The following TCF12 variants were observed in gnomAD, a reference collection of about 807,000 sequenced individuals.
The protein encoded by TCF12 is DNA-binding protein HTF4.
Under a neutral mutation model 86.0 loss-of-function variants are expected in TCF12, and 45 were observed. That is an observed-to-expected ratio of 0.52 (90% CI 0.41 to 0.67). The LOEUF (loss-of-function observed/expected upper bound fraction) is 0.67. Ranked by LOEUF, TCF12 falls within the 30% of genes least tolerant of loss-of-function variation. TCF12 has a pLI of 0.00. For synonymous variants in TCF12, 330 were observed against 299.6 expected, an observed-to-expected ratio of 1.10 and a Z score of -1.05; for missense variants, 881 against 859.9, an observed-to-expected ratio of 1.02 and a Z score of -0.31.
chr15:57,105,631 C>G (rs113217641), intron 5 of TCF12, among the ~76,000 whole-genome samples: 1 of 151,758 alleles, frequency 6.6e-6, no homozygotes, highest in Non-Finnish European at 1.5e-5. Flanking sequence ...AGGCTGGCCT[C>G]GAACTCCTGA....
intron 3 of TCF12, among the ~76,000 whole-genome samples, chr15:57,061,379 G>C (rs2068446752): frequency 6.6e-6 from 1 of 152,076 alleles, no homozygotes; most frequent in African/African-American, 2.4e-5. Context: ...AATCGCTGGA[G>C]GCCAGGAGTT....
chr15:57,144,272 A>G (rs1283628527), intron 5 of TCF12, among the ~76,000 whole-genome samples: 1 of 152,190 alleles, frequency 6.6e-6, no homozygotes, highest in Non-Finnish European at 1.5e-5. Flanking sequence ...GATAGATACG[A>G]GGCACATTCT....
At chr15:57,170,741 TA>T in intron 6 of TCF12, among the ~76,000 whole-genome samples, 1 of 38,780 alleles carries the variant, frequency 2.6e-5, no homozygotes, top group African/African-American at 1.0e-4. Context: ...ATATATAATA[TA>T]TATTATATAT....
At chr15:56,984,739 A>G (rs1415003772) in intron 3 of TCF12, among the ~76,000 whole-genome samples, 3 of 152,192 alleles carry the variant, frequency 2.0e-5, no homozygotes, top group African/African-American at 7.2e-5. Flanking sequence ...GTGTGAGCCA[A>G]TTGAATAGGT....
chr15:57,218,399 A>G (rs1181362157), intron 8 of TCF12, among the ~76,000 whole-genome samples: 1 of 152,232 alleles, frequency 6.6e-6, no homozygotes, highest in Non-Finnish European at 1.5e-5. Flanking sequence ...AAACATTTAA[A>G]TAGCAAAACG....
chr15:57,097,371 T>TA (rs1388677538), intron 5 of TCF12, among the ~76,000 whole-genome samples: 1 of 150,866 alleles, frequency 6.6e-6, no homozygotes, highest in Non-Finnish European at 1.5e-5. Context: ...CTACAAAAAA[T>TA]AAAAAAAATT....
chr15:56,920,038 GT>G, intron 2 of TCF12, 50 bp downstream of exon 2: 1 of 1,601,412 alleles, frequency 6.2e-7, no homozygotes, highest in South Asian at 1.1e-5. Context: ...GTTTTTGTTT[GT>G]TTGTTTGTTT....
chr15:57,203,118 G>A (rs2057635198), intron 8 of TCF12, among the ~76,000 whole-genome samples: 1 of 152,218 alleles, frequency 6.6e-6, no homozygotes, highest in Non-Finnish European at 1.5e-5. Flanking sequence ...GTAAATTGTA[G>A]CAGTTCCTTT....
chr15:56,989,550 G>A (rs570740787), intron 3 of TCF12, among the ~76,000 whole-genome samples: 3 of 152,300 alleles, frequency 2.0e-5, no homozygotes, highest in Admixed American at 6.5e-5. Context: ...ATTTTACAGT[G>A]TGTGTGTGTC....
chr15:57,263,806 A>G lies in TCF12; in HGVS notation c.1745+532A>G, dbSNP rs550009054. ...GAGTGCTGTAGGCAATTGTAACACA[A>G]TGGTAAGAATTTGTGTATCTAAACA... On this transcript the variant is annotated intron_variant, in intron 18 of 20. Coordinates refer to ENST00000333725, the MANE Select transcript of TCF12 (RefSeq NM_207037.2). Among the ~76,000 whole-genome samples, 51 of 152,296 alleles carry G rather than the reference A, an allele frequency of 3.3e-4. No individual in the cohort carries two copies. In the South Asian group the frequency reaches 5.6e-3, roughly 17 times the overall value.
chr15:57,085,994 G>A (rs758395836), intron 4 of TCF12, among the ~76,000 whole-genome samples: 18 of 151,978 alleles, frequency 1.2e-4, no homozygotes, highest in Non-Finnish European at 5.9e-5. Flanking sequence ...TGAGGTCTAT[G>A]GAGAAACTGA....
At chr15:57,136,928 G>T (rs2052564276) in intron 5 of TCF12, among the ~76,000 whole-genome samples, 2 of 131,076 alleles carry the variant, frequency 1.5e-5, no homozygotes, top group African/African-American at 2.8e-5. Flanking sequence ...TGGAATCACA[G>T]ACAATAGACA....
At chr15:57,199,447 A>G (rs2057427835) in intron 8 of TCF12, among the ~76,000 whole-genome samples, 1 of 152,230 alleles carries the variant, frequency 6.6e-6, no homozygotes, top group Non-Finnish European at 1.5e-5. Context: ...ACAGGTTAAA[A>G]AAACAGATTA....
intron 7 of TCF12, among the ~76,000 whole-genome samples, chr15:57,196,570 A>C (rs2057275567): frequency 2.0e-5 from 3 of 152,094 alleles, no homozygotes; most frequent in Admixed American, 2.0e-4. Flanking sequence ...AATTTGATCC[A>C]TTTTTTGTGT....
chr15:57,150,676 A>C (rs2053670077), intron 5 of TCF12, among the ~76,000 whole-genome samples: 1 of 152,182 alleles, frequency 6.6e-6, no homozygotes, highest in Admixed American at 6.5e-5. Flanking sequence ...TAATCAGTAG[A>C]AACAAGAGTC....
intron 19 of TCF12, among the ~76,000 whole-genome samples, chr15:57,273,695 T>C (rs1218118276): frequency 1.3e-5 from 2 of 152,190 alleles, no homozygotes; most frequent in African/African-American, 2.4e-5. Context: ...GTTAATAGGA[T>C]GCCTTGTTAT....
intron 3 of TCF12, among the ~76,000 whole-genome samples, chr15:56,973,832 G>C (rs1395113082): frequency 6.6e-6 from 1 of 152,110 alleles, no homozygotes; most frequent in Non-Finnish European, 1.5e-5. Context: ...AAGTTGACAA[G>C]TGTCTCCTGA....
intron 4 of TCF12, among the ~76,000 whole-genome samples, chr15:57,083,248 AC>A (rs1275450853): frequency 1.3e-5 from 2 of 152,168 alleles, no homozygotes; most frequent in Non-Finnish European, 2.9e-5. Context: ...TGGGCACATG[AC>A]TTTTTATTAT....
intron 3 of TCF12, among the ~76,000 whole-genome samples, chr15:57,003,171 A>T (rs1343112586): frequency 6.6e-6 from 1 of 152,154 alleles, no homozygotes; most frequent in African/African-American, 2.4e-5. Context: ...AACATAGGGT[A>T]ATGGGTAACT....
Sources: allele counts gnomAD v4.1 joint callset (sites outside exome capture counted in the v4.1 genomes callset), GRCh38; gene constraint gnomAD v4.1.1; transcripts MANE v1.5; gene names NCBI Gene and HGNC (gene_info 2026-07-23, HGNC 2026-07-21).